The following DYM variants were observed in gnomAD, a reference collection of about 807,000 sequenced individuals.
DYM encodes dyggve-Melchior-Clausen syndrome protein.
DYM carries 78 observed loss-of-function variants against 93.1 expected under a neutral mutation model. The observed-to-expected ratio is 0.84, with a 90% CI of 0.70 to 1.01. The LOEUF is 1.01. Among genes scored for constraint, DYM ranks in the 50% least tolerant of loss-of-function variants. The pLI is 0.00. For synonymous variants in DYM, 321 were observed against 319.7 expected (o/e 1.00, Z -0.04); for missense variants, 789 against 845.0 (o/e 0.93, Z 0.82).
At chr18:49,425,759 A>G (rs1187849182) in intron 2 of DYM, among the ~76,000 whole-genome samples, 2 of 152,252 alleles carry the variant, frequency 1.3e-5, no homozygotes, top group African/African-American at 4.8e-5. Context: ...ACTTCTCAAA[A>G]GAAGACATTT....
At chr18:49,064,481 C>G (rs1265076253) in intron 17 of DYM, among the ~76,000 whole-genome samples, 3 of 152,180 alleles carry the variant, frequency 2.0e-5, no homozygotes, top group Non-Finnish European at 4.4e-5. Context: ...CTCTCCACAC[C>G]AGGGTCTATG....
chr18:49,198,226 T>C (rs1250982150), intron 14 of DYM, among the ~76,000 whole-genome samples: 2 of 152,094 alleles, frequency 1.3e-5, no homozygotes, highest in African/African-American at 4.8e-5. Context: ...ATACAAAAAT[T>C]AATTCAAGAT....
intron 13 of DYM, among the ~76,000 whole-genome samples, chr18:49,247,813 T>C (rs886892536): frequency 5.9e-5 from 9 of 152,246 alleles, no homozygotes; most frequent in Non-Finnish European, 8.8e-5. Flanking sequence ...TGGAAACTTA[T>C]AAATTTTCAG....
chr18:49,341,336 C>CA (rs1406292051), intron 6 of DYM, among the ~76,000 whole-genome samples: 1 of 151,502 alleles, frequency 6.6e-6, no homozygotes, highest in Non-Finnish European at 1.5e-5. Context: ...ACTAAAAATA[C>CA]AAAAAATTAG....
At chr18:49,366,214 C>T in intron 5 of DYM, among the ~76,000 whole-genome samples, 1 of 152,176 alleles carries the variant, frequency 6.6e-6, no homozygotes. Context: ...ATTCATATTG[C>T]ATTATTTCCC....
At chr18:49,414,730 C>A (rs764237935) in intron 2 of DYM, among the ~76,000 whole-genome samples, 3 of 152,188 alleles carry the variant, frequency 2.0e-5, no homozygotes, top group African/African-American at 7.2e-5. Flanking sequence ...CCCAGAGACT[C>A]TCTGGCTAAA....
At chr18:49,157,998 G>C (rs1441849351) in intron 15 of DYM, among the ~76,000 whole-genome samples, 2 of 152,152 alleles carry the variant, frequency 1.3e-5, no homozygotes, top group Non-Finnish European at 2.9e-5. Flanking sequence ...ACACTGTGCT[G>C]GATACAAACA....
chr18:49,064,073 C>G (rs900406240), intron 17 of DYM, among the ~76,000 whole-genome samples: 1 of 152,116 alleles, frequency 6.6e-6, no homozygotes, highest in African/African-American at 2.4e-5. Flanking sequence ...GACAGTAGAA[C>G]CAGTCACTCC....
chr18:49,047,500 C>G (rs757824775), intron 17 of DYM, among the ~76,000 whole-genome samples: 4 of 152,164 alleles, frequency 2.6e-5, no homozygotes, highest in African/African-American at 4.8e-5. Flanking sequence ...TTCAATGAGG[C>G]CCCAGCTTTA....
intron 1 of DYM, among the ~76,000 whole-genome samples, chr18:49,443,643 T>C (rs2081859362): frequency 6.6e-6 from 1 of 152,200 alleles, no homozygotes; most frequent in African/African-American, 2.4e-5. Flanking sequence ...CGATATGCCC[T>C]GCCACACAGC....
intron 8 of DYM, among the ~76,000 whole-genome samples, chr18:49,313,545 T>C (rs1269991155): frequency 1.5e-5 from 2 of 134,652 alleles, no homozygotes; most frequent in African/African-American, 5.5e-5. Flanking sequence ...CATCACCCTA[T>C]ATGGTCTAAA....
intron 9 of DYM, among the ~76,000 whole-genome samples, chr18:49,286,188 A>G (rs1400401313): frequency 3.3e-5 from 5 of 152,318 alleles, no homozygotes; most frequent in Non-Finnish European, 5.9e-5. Context: ...ACTGACCCAA[A>G]TTAAACACAT....
chr18:49,329,606 C>A (rs2063171013), intron 8 of DYM: 1 of 152,212 alleles, frequency 6.6e-6, no homozygotes, highest in Admixed American at 6.5e-5. Flanking sequence ...AAGTGGTTCA[C>A]TACTCATCCA....
intron 6 of DYM, among the ~76,000 whole-genome samples, chr18:49,346,254 A>T (rs2064585048): frequency 6.6e-6 from 1 of 152,222 alleles, no homozygotes; most frequent in Admixed American, 6.5e-5. Flanking sequence ...TGAATAAGCA[A>T]AATGTGGTAT....
chr18:49,401,269 C>G (rs2070782327), intron 2 of DYM, among the ~76,000 whole-genome samples: 1 of 152,196 alleles, frequency 6.6e-6, no homozygotes, highest in Admixed American at 6.5e-5. Context: ...AACAACCATA[C>G]TGATCCAATG....
At chr18:49,317,580 T>TCCCTCCCTCC (rs1568235616) in intron 8 of DYM, among the ~76,000 whole-genome samples, 1 of 11,742 alleles carries the variant, frequency 8.5e-5, no homozygotes, top group Non-Finnish European at 1.5e-4. Flanking sequence ...TCTCTCTCTC[T>TCCCTCCCTCC]CTCTCTCTCT....
intron 6 of DYM, among the ~76,000 whole-genome samples, chr18:49,361,744 G>A (rs1029400111): frequency 2.0e-5 from 3 of 151,828 alleles, no homozygotes; most frequent in South Asian, 2.1e-4. Flanking sequence ...TTTTTGTGAC[G>A]TAGTCTCGCT....
chr18:49,383,167 T>G (rs775012527), intron 3 of DYM, among the ~76,000 whole-genome samples: 12 of 152,130 alleles, frequency 7.9e-5, no homozygotes, highest in Non-Finnish European at 1.5e-4. Flanking sequence ...TGTAAAGACA[T>G]AACCAAAAAT....
chr18:49,167,870 A>T (rs891533168), intron 14 of DYM, among the ~76,000 whole-genome samples: 1 of 152,230 alleles, frequency 6.6e-6, no homozygotes, highest in Admixed American at 6.5e-5. Context: ...AAATTTAAAA[A>T]ATGAAAACAG....
Sources: gnomAD v4.1 joint callset for allele counts (sites outside exome capture counted in the v4.1 genomes callset) on GRCh38, gnomAD v4.1.1 for gene constraint, MANE v1.5 for transcripts, NCBI Gene and HGNC (gene_info 2026-07-23, HGNC 2026-07-21) for gene names.